Variants in ARHGAP30 observed in about 807,000 individuals in gnomAD.
ARHGAP30 encodes the protein Rho GTPase activating protein 30, also known as rho GTPase-activating protein 30.
Under a neutral mutation model 72.0 loss-of-function variants are expected in ARHGAP30, and 23 were observed. The ratio of observed to expected loss-of-function variants is 0.32; its 90% CI spans 0.23 to 0.45. ARHGAP30 has a LOEUF of 0.45. Ranked by LOEUF, ARHGAP30 falls within the 20% of genes least tolerant of loss-of-function variation. The probability of loss-of-function intolerance (pLI) is 1.00; values close to 1 mark genes in which losing one functional copy is unlikely to be tolerated. For synonymous variants in ARHGAP30, 576 were observed against 528.2 expected (o/e 1.09, Z -1.24); for missense variants, 1,319 against 1,383.4 (o/e 0.95, Z 0.74).
At chr1:161,064,779 AAAAGAAAGAAAGAAAGAAAGAAAGAAAG>A (rs201614477) in intron 1 of ARHGAP30, among the ~76,000 whole-genome samples, 3 of 98,068 alleles carry the variant, frequency 3.1e-5, no homozygotes, top group African/African-American at 1.3e-4. Flanking sequence ...GAAAGAAAGA[AAAAGAAAGAAAGAAAGAAAGAAAGAAAG>A]AAAGAAAGAA....
Position 161,060,512 on chromosome 1 carries a change from A to T in ARHGAP30, c.98-796T>A, listed in dbSNP as rs188952027. ...CTTGGGAGGCTGAGGCAAGAGAATCACTTGAACCAGGAGGTGGAGGTTTCA... is the reference window on the plus strand; with the variant it reads ...CTTGGGAGGCTGAGGCAAGAGAATCTCTTGAACCAGGAGGTGGAGGTTTCA... On this transcript the variant is annotated intron_variant, in intron 1 of 11. Transcript: ENST00000368013. Among the ~76,000 whole-genome samples the T allele has an allele frequency of 3.3e-3, 494 of 150,506 alleles. 3 individuals carry two copies. Among genetic ancestry groups the T allele is most frequent in the Non-Finnish European group, 5.1e-3 (345 of 67,764 alleles).
intron 3 of ARHGAP30, 37 bp downstream of exon 3, chr1:161,056,351 T>C: frequency 6.2e-7 from 1 of 1,606,816 alleles, no homozygotes; most frequent in Non-Finnish European, 8.5e-7. Flanking sequence ...TGTCCACCCC[T>C]GAGCCCTGTC....
rs929367200 is a variant in ARHGAP30 at position 161,069,291 on chromosome 1, C to A, written c.97+237G>T. The stretch of plus-strand genomic sequence containing the variant: ...CCCCTCACTGCTACCTGGGTACTCA[C>A]ATTCTCATCCCCTCAGCCACCCCAT... On this transcript the variant is annotated intron_variant, in intron 1 of 11. Transcript: ENST00000368013. The surrounding 1 kb of genome is among the most constrained non-coding windows in gnomAD (Gnocchi z 4.9). Among the ~76,000 whole-genome samples, 4 of 152,122 alleles carry A rather than the reference C, an allele frequency of 2.6e-5. No homozygotes were observed. Among genetic ancestry groups the A allele is most frequent in the Non-Finnish European group, 4.4e-5 (3 of 68,018 alleles).
chr1:161,056,665 C>G, intron 2 of ARHGAP30, 133 bp from the exon 3 acceptor site: 1 of 944,244 alleles, frequency 1.1e-6, no homozygotes, highest in Non-Finnish European at 1.5e-6. Context: ...TGTTGGGACA[C>G]GTACACATGT....
intron 1 of ARHGAP30, among the ~76,000 whole-genome samples, chr1:161,065,462 T>C (rs1340900034): frequency 1.3e-5 from 2 of 152,238 alleles, no homozygotes; most frequent in Admixed American, 1.3e-4. Flanking sequence ...CCAAGCTCTT[T>C]GTTGAATAAA....
In ARHGAP30 at chr1:161,047,586, A is replaced by T. The variant is rs1057253002; in HGVS notation, c.*129T>A. 2 of 1,002,874 alleles carry T rather than the reference A, an allele frequency of 2.0e-6. No individual in the cohort carries two copies. Among genetic ancestry groups the T allele is most frequent in the Admixed American group, 6.3e-5 (2 of 31,578 alleles). 62.1% of individuals were successfully genotyped at this position (1,002,874 alleles called of 1,614,324 possible). A position where few individuals can be genotyped will look rare whatever the true frequency, so the allele number is the denominator to read the frequency against. ...CAGTGCCTCCCACAGTCAAAGAGAG[A>T]AGCTGGAGGGCCAAAGCCTATAGAG... On this transcript the variant is annotated 3_prime_UTR_variant, in exon 12 of 12. Coordinates refer to ENST00000368013, the MANE Select transcript of ARHGAP30 (RefSeq NM_001025598.2).
rs575182980 is a variant in ARHGAP30, at chr1:161,048,093, T to G, written c.2928A>C (p.Gly976=). 6.2e-7 allele frequency: 1 copy of G among 1,614,114 alleles called. No individual in the cohort carries two copies. Among genetic ancestry groups the G allele is most frequent in the East Asian group, 2.2e-5 (1 of 44,878 alleles). Residue 976 remains glycine, a synonymous_variant, in exon 12 of 12, where the codon GGA becomes GGC. Transcript: ENST00000368013. ...PRPGRLDGTP[G]ERAWGSRASR... ...AAGCTCGGGACCCCCAAGCCCTTTC[T>G]CCAGGAGTCCCATCAAGCCGGCCAG...
At chr1:161,064,783 G>A (rs868824979) in intron 1 of ARHGAP30, among the ~76,000 whole-genome samples, 7 of 60,402 alleles carry the variant, frequency 1.2e-4, no homozygotes, top group South Asian at 5.7e-4. Context: ...GAAAGAAAAA[G>A]AAAGAAAGAA....
intron 3 of ARHGAP30, 78 bp from the exon 4 acceptor site, chr1:161,054,783 G>C: frequency 7.7e-7 from 1 of 1,297,548 alleles, no homozygotes; most frequent in Non-Finnish European, 1.1e-6. Flanking sequence ...TTGTAACCAA[G>C]TTCTCAGGAA....
chr1:161,054,711 T>C lies in ARHGAP30; in HGVS notation c.346-6A>G, dbSNP rs1651699918. On this transcript the variant is annotated splice_polypyrimidine_tract_variant and splice_region_variant and intron_variant, in intron 3 of 11. Coordinates refer to ENST00000368013, the MANE Select transcript of ARHGAP30 (RefSeq NM_001025598.2). ...AATTGCACTCCTACAGCCTCCTGAT[T>C]GAGAAGAGTGCAAGAAGCAGGAATC... The C allele has an allele frequency of 2.5e-6, 4 of 1,613,500 alleles. 1 individual carries two copies. The highest frequency in any genetic ancestry group is 3.4e-6 in the Non-Finnish European group (4 of 1,179,718).
intron 3 of ARHGAP30, among the ~76,000 whole-genome samples, chr1:161,055,800 A>T (rs1276452112): frequency 1.4e-4 from 3 of 21,762 alleles, no homozygotes; most frequent in African/African-American, 2.9e-4. Context: ...AAAATAAAAT[A>T]AAATAATAAA....
rs1236466441 is a variant in ARHGAP30, at chr1:161,064,811, GAAAGAAAGAAAGAAAGAAAGAGAA to G, written c.97+4693_97+4716del. On this transcript the variant is annotated intron_variant, in intron 1 of 11. Coordinates refer to ENST00000368013, the MANE Select transcript of ARHGAP30 (RefSeq NM_001025598.2). The stretch of plus-strand genomic sequence containing the variant: ...AGAAAGAAAGAAAGAAAGAAAGAAA[GAAAGAAAGAAAGAAAGAAAGAGAA>G]AGAAAGAAAGAAAGGAAAGGAAGGA... Among the ~76,000 whole-genome samples, 310 of 65,198 alleles carry G rather than the reference GAAAGAAAGAAAGAAAGAAAGAGAA, an allele frequency of 4.8e-3. 5 individuals carry two copies. Among genetic ancestry groups the G allele is most frequent in the African/African-American group, 9.2e-3 (99 of 10,786 alleles). The allele number at this position is 65,198 out of a possible 152,430, so 42.8% of individuals were successfully genotyped here.
At chr1:161,055,560 T>G (rs992170447) in intron 3 of ARHGAP30, among the ~76,000 whole-genome samples, 2 of 151,782 alleles carry the variant, frequency 1.3e-5, no homozygotes, top group African/African-American at 4.8e-5. Context: ...GAGGCTGAGG[T>G]GGGTGAATCA....
At chr1:161,054,274 T>C (rs1183890460) in intron 5 of ARHGAP30, 92 bp downstream of exon 5, 4 of 1,178,212 alleles carry the variant, frequency 3.4e-6, no homozygotes, top group Non-Finnish European at 4.9e-6. Context: ...CCTTCTCCAG[T>C]GTACCCACAC....
intron 9 of ARHGAP30, among the ~76,000 whole-genome samples, chr1:161,051,987 AC>A (rs1651414482): frequency 4.7e-4 from 4 of 8,538 alleles, no homozygotes; most frequent in African/African-American, 1.2e-3. Flanking sequence ...CACCACCACC[AC>A]CACCACCACC....
At chr1:161,063,169 T>A (rs1252761272) in intron 1 of ARHGAP30, among the ~76,000 whole-genome samples, 2 of 152,204 alleles carry the variant, frequency 1.3e-5, no homozygotes, top group Non-Finnish European at 2.9e-5. Flanking sequence ...TTATTTTGTA[T>A]TGATACCTCC....
intron 1 of ARHGAP30, 109 bp from the exon 2 acceptor site, chr1:161,059,825 A>C: frequency 1.2e-4 from 109 of 891,400 alleles, no homozygotes; most frequent in Middle Eastern, 2.4e-4. Flanking sequence ...AGCAAAGCTC[A>C]TGGAATAAAA....
At chr1:161,068,454 G>A (rs1004405233) in intron 1 of ARHGAP30, among the ~76,000 whole-genome samples, 6 of 152,128 alleles carry the variant, frequency 3.9e-5, no homozygotes, top group Non-Finnish European at 7.4e-5. Flanking sequence ...CGCAGGGGCG[G>A]GGCTAAGAGC....
chr1:161,063,155 T>TA (rs772436535), intron 1 of ARHGAP30, among the ~76,000 whole-genome samples: 53 of 152,264 alleles, frequency 3.5e-4, no homozygotes, highest in Admixed American at 9.8e-4. Context: ...TTGTTATGAT[T>TA]AGTTTATTTT....
Sources: gnomAD v4.1 joint callset for allele counts (sites outside exome capture counted in the v4.1 genomes callset) on GRCh38, gnomAD v4.1.1 for gene constraint, Gnocchi (gnomAD v3.1) non-coding constraint, MANE v1.5 for transcripts, NCBI Gene and HGNC (gene_info 2026-07-23, HGNC 2026-07-21) for gene names.